The following MAF variants were observed in gnomAD, a reference collection of about 807,000 sequenced individuals.
MAF encodes the protein transcription factor Maf.
A neutral mutation model predicts 22.0 loss-of-function variants in MAF; 10 were observed. That is an observed-to-expected ratio of 0.45 (90% CI 0.28 to 0.77). The LOEUF (loss-of-function observed/expected upper bound fraction) is 0.77. MAF is among the 30% of genes least tolerant of loss of function. The pLI, the probability that MAF is intolerant of heterozygous loss-of-function variation, is 0.12. For missense variants in MAF, 544 were observed against 548.4 expected (o/e 0.99, Z 0.08); for synonymous variants, 337 against 255.8 (o/e 1.32, Z -3.03).
chr16:79,510,070 C>T, the MAF span, among the ~76,000 whole-genome samples: 2,290 of 152,262 alleles, frequency 0.015, 54 homozygotes, highest in African/African-American at 0.051. Flanking sequence ...GAAACTCTGC[C>T]ATTTACTAGC....
At chr16:79,377,744 A>G in the MAF span, among the ~76,000 whole-genome samples, 2 of 152,290 alleles carry the variant, frequency 1.3e-5, no homozygotes, top group African/African-American at 4.8e-5. Context: ...CTTTCTACAT[A>G]TGGCTAGCCA....
At chr16:79,309,965 A>G in the MAF span, among the ~76,000 whole-genome samples, 16 of 152,348 alleles carry the variant, frequency 1.1e-4, no homozygotes, top group East Asian at 2.5e-3. Context: ...GCCTGGTGAC[A>G]TTACTGTAAC....
At chr16:79,319,621 T>C in the MAF span, among the ~76,000 whole-genome samples, 6 of 152,204 alleles carry the variant, frequency 3.9e-5, no homozygotes, top group African/African-American at 1.4e-4. Context: ...ATTCTTGGCA[T>C]TTCTCTGATT....
the MAF span, among the ~76,000 whole-genome samples, chr16:79,459,517 A>G: frequency 6.6e-5 from 10 of 151,682 alleles, 1 homozygote; most frequent in Admixed American, 2.0e-4. Context: ...ACATTTTAAC[A>G]TCTAGAAGGA....
chr16:79,215,232 T>G, the MAF span, among the ~76,000 whole-genome samples: 1 of 152,192 alleles, frequency 6.6e-6, no homozygotes, highest in Non-Finnish European at 1.5e-5. Context: ...ATATCCATTC[T>G]GGTAGGATGC....
the MAF span, among the ~76,000 whole-genome samples, chr16:79,512,576 G>C: frequency 2.0e-5 from 3 of 152,166 alleles, no homozygotes; most frequent in Admixed American, 6.5e-5. Context: ...CTTCTGAGAA[G>C]AAACCTCCTT....
chr16:79,433,267 TAAA>T, the MAF span, among the ~76,000 whole-genome samples: 1 of 139,364 alleles, frequency 7.2e-6, no homozygotes, highest in African/African-American at 2.6e-5. Flanking sequence ...ATAAGACAAG[TAAA>T]AAAAAAAATA....
chr16:79,221,518 A>G, the MAF span, among the ~76,000 whole-genome samples: 1 of 152,236 alleles, frequency 6.6e-6, no homozygotes, highest in South Asian at 2.1e-4. Flanking sequence ...AATAGCAAAT[A>G]TTAATAGTAA....
the MAF span, among the ~76,000 whole-genome samples, chr16:79,247,202 G>C: frequency 6.6e-6 from 1 of 152,328 alleles, no homozygotes; most frequent in East Asian, 1.9e-4. Flanking sequence ...GCCAGTGTGA[G>C]AGCTCAGAGG....
chr16:79,437,142 CTCTCTGTGTGTGTGTG>C, the MAF span, among the ~76,000 whole-genome samples: 1 of 39,302 alleles, frequency 2.5e-5, no homozygotes, highest in Non-Finnish European at 6.6e-5. Flanking sequence ...AGCTCTCTCT[CTCTCTGTGTGTGTGTG>C]TGTGTGTGTG....
intron 1 of MAF, chr16:79,598,583 T>TGG: frequency 1.7e-6 from 1 of 587,812 alleles, no homozygotes; most frequent in South Asian, 2.7e-5. Context: ...GGGTGTGGGG[T>TGG]GTGTGTGTGT....
At chr16:79,520,214 G>A in the MAF span, among the ~76,000 whole-genome samples, 1 of 152,156 alleles carries the variant, frequency 6.6e-6, no homozygotes, top group Non-Finnish European at 1.5e-5. Context: ...AGCAGCTGGG[G>A]CCATCTTATA....
chr16:79,421,945 T>C, the MAF span, among the ~76,000 whole-genome samples: 1 of 152,150 alleles, frequency 6.6e-6, no homozygotes, highest in Non-Finnish European at 1.5e-5. Context: ...ACTCAGCTAA[T>C]TTTTGTGTTT....
the MAF span, among the ~76,000 whole-genome samples, chr16:79,302,644 T>A: frequency 6.6e-6 from 1 of 152,260 alleles, no homozygotes; most frequent in Non-Finnish European, 1.5e-5. Context: ...GTGGCTTCTA[T>A]GTTTTCAGCT....
the MAF span, among the ~76,000 whole-genome samples, chr16:79,377,241 T>C: frequency 2.0e-5 from 3 of 152,240 alleles, no homozygotes; most frequent in Admixed American, 2.0e-4. Flanking sequence ...TGGTATCTCA[T>C]TGTGGTTTTG....
At chr16:79,363,356 A>G in the MAF span, among the ~76,000 whole-genome samples, 12 of 152,314 alleles carry the variant, frequency 7.9e-5, no homozygotes, top group Admixed American at 6.5e-4. Flanking sequence ...TAATACACCT[A>G]ACTTAGCAGA....
downstream of MAF, among the ~76,000 whole-genome samples, chr16:79,585,373 A>ATTACACTAAAATGTCC (rs1256011995): frequency 6.6e-6 from 1 of 152,024 alleles, no homozygotes; most frequent in Non-Finnish European, 1.5e-5. Context: ...GTGCTTTGAA[A>ATTACACTAAAATGTCC]TTACACTAAA....
chr16:79,557,822 AT>A, the MAF span, among the ~76,000 whole-genome samples: 1 of 152,060 alleles, frequency 6.6e-6, no homozygotes, highest in Non-Finnish European at 1.5e-5. Flanking sequence ...ACACAGATGC[AT>A]CCCAATAAGT....
the MAF span, among the ~76,000 whole-genome samples, chr16:79,391,081 T>C: frequency 6.6e-6 from 1 of 152,100 alleles, no homozygotes; most frequent in Non-Finnish European, 1.5e-5. Flanking sequence ...GCTAACGAGG[T>C]GGAAGCACCT....
Sources: allele counts gnomAD v4.1 joint callset (sites outside exome capture counted in the v4.1 genomes callset), GRCh38; gene constraint gnomAD v4.1.1; transcripts MANE v1.5; gene names NCBI Gene and HGNC (gene_info 2026-07-23, HGNC 2026-07-21).